FRMPD2: variants seen among roughly 807,000 people sequenced by gnomAD.
The protein encoded by FRMPD2 is FERM and PDZ domain-containing protein 2.
FRMPD2 carries 96 observed loss-of-function variants against 140.1 expected under a neutral mutation model. That is an observed-to-expected ratio of 0.69 (90% confidence interval 0.58 to 0.81). The LOEUF (loss-of-function observed/expected upper bound fraction) is 0.81. Ranked by LOEUF, FRMPD2 falls within the 40% of genes least tolerant of loss-of-function variation. FRMPD2 has a pLI of 0.00. For missense variants in FRMPD2, 1,240 were observed against 1,447.4 expected (o/e 0.86, Z 2.32); for synonymous variants, 449 against 547.6 (o/e 0.82, Z 2.52).
chr10:48,176,810 CCTTATTG>C (rs1190165505), intron 22 of FRMPD2, among the ~76,000 whole-genome samples: 2 of 151,910 alleles, frequency 1.3e-5, no homozygotes, highest in African/African-American at 4.8e-5. Flanking sequence ...GATTCATGAG[CCTTATTG>C]CTTGGTTTCT....
chr10:48,167,788 T>C (rs1838136571), intron 27 of FRMPD2, among the ~76,000 whole-genome samples: 1 of 152,226 alleles, frequency 6.6e-6, no homozygotes, highest in South Asian at 2.1e-4. Flanking sequence ...TGATTTGACA[T>C]TTAAATCAGC....
At chr10:48,273,478 T>C (rs1166032532) in intron 1 of FRMPD2, among the ~76,000 whole-genome samples, 1 of 152,196 alleles carries the variant, frequency 6.6e-6, no homozygotes, top group Non-Finnish European at 1.5e-5. Flanking sequence ...GAGCATGCTT[T>C]ACTTATTCAT....
intron 1 of FRMPD2, among the ~76,000 whole-genome samples, chr10:48,259,533 A>G (rs1482065620): frequency 2.0e-5 from 3 of 152,146 alleles, no homozygotes; most frequent in Non-Finnish European, 4.4e-5. Context: ...TGTATATAAG[A>G]AGAACGATTT....
chr10:48,240,221 T>C, intron 6 of FRMPD2, 139 bp downstream of exon 6: 1 of 925,162 alleles, frequency 1.1e-6, no homozygotes, highest in Non-Finnish European at 1.6e-6. Flanking sequence ...GCCCCTTCTC[T>C]TCAGGGGCTT....
chr10:48,158,149 A>C (rs1487221872), intron 28 of FRMPD2, among the ~76,000 whole-genome samples: 2 of 151,466 alleles, frequency 1.3e-5, no homozygotes, highest in Admixed American at 1.3e-4. Context: ...GGAAGCCATC[A>C]GCCTGAGAGG....
At chr10:48,270,589 C>G (rs1840750437) in intron 1 of FRMPD2, among the ~76,000 whole-genome samples, 1 of 152,138 alleles carries the variant, frequency 6.6e-6, no homozygotes, top group Admixed American at 6.5e-5. Flanking sequence ...CAGTCCATCC[C>G]CTCCACAGCC....
intron 5 of FRMPD2, among the ~76,000 whole-genome samples, chr10:48,240,753 G>T (rs1200725017): frequency 1.3e-5 from 2 of 152,094 alleles, no homozygotes. Context: ...CATGGCTACA[G>T]CCTCCCCAGA....
chr10:48,245,202 C>T lies in FRMPD2; in HGVS notation c.310-353G>A, dbSNP rs113329090. 9.9e-4 allele frequency among the ~76,000 whole-genome samples: 150 copies of T among 152,242 alleles called. 1 individual carries two copies. Among genetic ancestry groups the T allele is most frequent in the African/African-American group, 3.5e-3 (147 of 41,540 alleles). On this transcript the variant is annotated intron_variant, in intron 3 of 28. Transcript: ENST00000374201. ...TGATGTGATTGATACATGGAGTCTT[C>T]GCAGCCATTCCGTGACAATGAGGCA...
At chr10:48,232,718 G>A (rs1216137599) in intron 9 of FRMPD2, among the ~76,000 whole-genome samples, 1 of 152,202 alleles carries the variant, frequency 6.6e-6, no homozygotes, top group Non-Finnish European at 1.5e-5. Context: ...GCAGAGCACA[G>A]GTTAATTAAT....
chr10:48,184,675 C>G lies in FRMPD2; in HGVS notation c.2475G>C (p.Gln825His). 1 of 1,609,092 alleles carries G rather than the reference C, an allele frequency of 6.2e-7. No homozygotes were observed. The highest frequency in any genetic ancestry group is 8.5e-7 in the Non-Finnish European group (1 of 1,175,834). ...EKAKTIKPGG[Q>H]ILALNHISLE... ...GACTGATGTGATTCAGGGCTAGTAT[C>G]TGCCCTCCTAGAAAAATAAAACATC... is the stretch of plus-strand genomic sequence containing the variant. Residue 825 changes from glutamine to histidine, a missense_variant, in exon 20 of 29, where the codon CAG becomes CAC. Coordinates refer to ENST00000374201, the MANE Select transcript of FRMPD2 (RefSeq NM_001018071.4).
intron 20 of FRMPD2, 77 bp downstream of exon 20, chr10:48,184,489 T>C (rs1468231204): frequency 5.6e-6 from 5 of 890,784 alleles, no homozygotes; most frequent in Non-Finnish European, 9.3e-6. Context: ...GACTTCAAGG[T>C]CTAGTACCTC....
Position 48,174,246 on chromosome 10 carries a change from A to G in FRMPD2, c.3075+624T>C, listed in dbSNP as rs1838345936. Among the ~76,000 whole-genome samples the G allele has an allele frequency of 5.3e-5, 8 of 152,164 alleles. No homozygotes were observed. In the South Asian group the frequency reaches 1.7e-3, roughly 32 times the overall value. On this transcript the variant is annotated intron_variant, in intron 24 of 28. Transcript: ENST00000374201. ...ATGCCAGCTCTGTGGCTCAGGACAC[A>G]GAGGCAGTTAGAGGCTCCTAACCTC...
Position 48,174,888 on chromosome 10 carries a change from G to A in FRMPD2, c.3057C>T (p.Cys1019=). The A allele has an allele frequency of 1.6e-6, 1 of 606,212 alleles. No individual in the cohort carries two copies. The highest frequency in any genetic ancestry group is 2.9e-6 in the Non-Finnish European group (1 of 341,224). The allele number at this position is 606,212 out of a possible 1,614,324, so 37.6% of individuals were successfully genotyped here. A position where few individuals can be genotyped will look rare whatever the true frequency, so the allele number is the denominator to read the frequency against. ...CACTCACCTGCCCAGGACCCGTCAG[G>A]CACTGCACAGCCTGCTTGTGGGTGA... The part of the protein sequence containing the change: ...CGLTHKQAVQ[C]LTGPGQVARL... The change falls in exon 24 of 29, where the codon TGC becomes TGT. Residue 1019 remains cysteine (C), a synonymous_variant. Coordinates refer to ENST00000374201, the MANE Select transcript of FRMPD2 (RefSeq NM_001018071.4).
chr10:48,272,199 T>A (rs1840780790), intron 1 of FRMPD2, among the ~76,000 whole-genome samples: 1 of 131,420 alleles, frequency 7.6e-6, no homozygotes, highest in South Asian at 2.2e-4. Flanking sequence ...TTCTTCCTAA[T>A]TCTTCCTTCG....
intron 1 of FRMPD2, among the ~76,000 whole-genome samples, chr10:48,256,008 T>C (rs1395485332): frequency 2.0e-5 from 3 of 152,216 alleles, no homozygotes; most frequent in Non-Finnish European, 2.9e-5. Context: ...GTATGAATCT[T>C]GGCCTACCTG....
intron 21 of FRMPD2, among the ~76,000 whole-genome samples, 200 bp from the exon 22 acceptor site, chr10:48,178,351 G>A (rs1177620013): frequency 6.6e-6 from 1 of 152,148 alleles, no homozygotes; most frequent in Non-Finnish European, 1.5e-5. Flanking sequence ...ATGAGGGAGT[G>A]ATGGGCTGGG....
At chr10:48,261,996 C>T (rs1840599990) in intron 1 of FRMPD2, among the ~76,000 whole-genome samples, 1 of 151,986 alleles carries the variant, frequency 6.6e-6, no homozygotes, top group Non-Finnish European at 1.5e-5. Context: ...ATATAAAATG[C>T]TCAATTACAA....
Position 48,251,803 on chromosome 10 carries a change from G to A in FRMPD2, c.26-112C>T, listed in dbSNP as rs280608. On this transcript the variant is annotated intron_variant, in intron 1 of 28. Coordinates refer to ENST00000374201, the MANE Select transcript of FRMPD2 (RefSeq NM_001018071.4). ...CATGGTCTGGCCACTACTGCACACC[G>A]GCACTGTGTTTTCAGCACCTGGGTC... is the stretch of plus-strand genomic sequence containing the variant. 13,110 of 1,285,668 alleles carry A rather than the reference G, an allele frequency of 0.01. 884 individuals carry two copies. In the African/African-American group the frequency reaches 0.16, roughly 15 times the overall value. The allele number at this position is 1,285,668 out of a possible 1,614,324, so 79.6% of individuals were successfully genotyped here. A position where few individuals can be genotyped will look rare whatever the true frequency, so the allele number is the denominator to read the frequency against.
At chr10:48,187,117 G>A in intron 17 of FRMPD2, 75 bp downstream of exon 17, 2 of 882,362 alleles carry the variant, frequency 2.3e-6, no homozygotes, top group South Asian at 3.3e-5. Flanking sequence ...AAAATAAGTG[G>A]TGGTAAAAGA....
Sources: gnomAD v4.1 joint callset for allele counts (sites outside exome capture counted in the v4.1 genomes callset) on GRCh38, gnomAD v4.1.1 for gene constraint, MANE v1.5 for transcripts, NCBI Gene and HGNC (gene_info 2026-07-23, HGNC 2026-07-21) for gene names.